Variants in LPP observed in about 807,000 individuals in gnomAD.
LPP encodes lipoma-preferred partner.
In LPP, 38 loss-of-function variants were observed where a neutral mutation model predicts 60.4. The observed-to-expected ratio is 0.63, with a 90% CI of 0.49 to 0.83. The LOEUF (loss-of-function observed/expected upper bound fraction) is 0.83, where lower values mean the gene tolerates loss of function less well. Ranked by LOEUF, LPP falls within the 40% of genes least tolerant of loss-of-function variation. LPP has a pLI of 0.00. For synonymous variants in LPP, 328 were observed against 290.8 expected, an observed-to-expected ratio of 1.13 and a Z score of -1.30; for missense variants, 902 against 783.6, an observed-to-expected ratio of 1.15 and a Z score of -1.80.
intron 2 of LPP, among the ~76,000 whole-genome samples, chr3:188,301,980 G>T (rs376380571): frequency 6.9e-6 from 1 of 144,580 alleles, no homozygotes; most frequent in East Asian, 2.1e-4. Flanking sequence ...TAAAAAAAAA[G>T]AAAAAAAAAA....
intron 2 of LPP, among the ~76,000 whole-genome samples, chr3:188,304,024 C>T (rs1011783270): frequency 6.6e-6 from 1 of 152,146 alleles, no homozygotes; most frequent in African/African-American, 2.4e-5. Context: ...ACTTAACTGC[C>T]TGTCTTCATA....
At chr3:188,415,730 A>ATTGC in intron 4 of LPP, among the ~76,000 whole-genome samples, 1 of 148,810 alleles carries the variant, frequency 6.7e-6, no homozygotes, top group East Asian at 2.0e-4. Flanking sequence ...AGCTCTAGAG[A>ATTGC]TAAAGGACAT....
chr3:188,433,073 C>T lies in LPP; in HGVS notation c.193+26760C>T, dbSNP rs182185165. ...AAGCTATTTAGTGGTTCTCTTAGAG[C>T]CTTATCTCTATCTAGGCTGGAGATT... is the stretch of plus-strand genomic sequence containing the variant. On this transcript the variant is annotated intron_variant, in intron 4 of 11. Coordinates refer to ENST00000617246, the MANE Select transcript of LPP (RefSeq NM_001375462.1). Among the ~76,000 whole-genome samples, 102 of 152,204 alleles carry T rather than the reference C, an allele frequency of 6.7e-4. 1 individual carries two copies. In the Middle Eastern group the frequency reaches 0.034, roughly 51 times the overall value.
In LPP at chr3:188,860,042, T is replaced by C. The variant is rs185277287; in HGVS notation, c.1411-6158T>C. Among the ~76,000 whole-genome samples the C allele has an allele frequency of 3.5e-4, 53 of 152,062 alleles. No homozygotes were observed. The East Asian group carries it at 0.01, about 29-fold the overall frequency. The stretch of plus-strand genomic sequence containing the variant: ...ATACAAATATAGACTTAGATTAAGA[T>C]ATAGACAAAGGACATTAGAAAGACC... On this transcript the variant is annotated intron_variant, in intron 9 of 11. Coordinates refer to ENST00000617246, the MANE Select transcript of LPP (RefSeq NM_001375462.1).
intron 2 of LPP, among the ~76,000 whole-genome samples, chr3:188,301,956 C>T (rs867587423): frequency 1.3e-5 from 2 of 149,732 alleles, no homozygotes; most frequent in Admixed American, 1.3e-4. Flanking sequence ...TGTACCCAGC[C>T]CAATTTACTG....
intron 6 of LPP, among the ~76,000 whole-genome samples, chr3:188,531,316 C>T (rs1356304328): frequency 6.6e-6 from 1 of 152,072 alleles, no homozygotes. Context: ...GATAGGGGTG[C>T]TGGTAGCATC....
At chr3:188,818,451 G>A (rs1753058620) in intron 9 of LPP, among the ~76,000 whole-genome samples, 1 of 152,164 alleles carries the variant, frequency 6.6e-6, no homozygotes, top group South Asian at 2.1e-4. Context: ...ATTACGTAGT[G>A]TCTGTGACTT....
intron 7 of LPP, among the ~76,000 whole-genome samples, chr3:188,692,735 G>A (rs891881483): frequency 1.3e-5 from 2 of 152,212 alleles, no homozygotes; most frequent in African/African-American, 2.4e-5. Flanking sequence ...TTGAATAAAT[G>A]TATTATTTGC....
intron 3 of LPP, among the ~76,000 whole-genome samples, chr3:188,363,359 C>T (rs558581258): frequency 6.6e-6 from 1 of 152,288 alleles, no homozygotes; most frequent in African/African-American, 2.4e-5. Flanking sequence ...AATAACAGTA[C>T]AACTAGATGT....
chr3:188,659,582 A>G (rs1854102770), intron 7 of LPP, among the ~76,000 whole-genome samples: 1 of 152,194 alleles, frequency 6.6e-6, no homozygotes, highest in African/African-American at 2.4e-5. Context: ...GCAGGCAAGC[A>G]GGCAAGTTGG....
At chr3:188,607,161 ACACACT>A (rs1842553637) in intron 6 of LPP, among the ~76,000 whole-genome samples, 1 of 129,180 alleles carries the variant, frequency 7.7e-6, no homozygotes, top group South Asian at 2.6e-4. Flanking sequence ...ACACACACAC[ACACACT>A]ATTTAAACAT....
intron 8 of LPP, among the ~76,000 whole-genome samples, chr3:188,753,501 T>C (rs2150350546): frequency 6.6e-6 from 1 of 152,124 alleles, no homozygotes; most frequent in East Asian, 1.9e-4. Flanking sequence ...TCATCTCATC[T>C]GGTTTGCTGC....
At chr3:188,320,872 C>A (rs923188977) in intron 2 of LPP, among the ~76,000 whole-genome samples, 1 of 152,102 alleles carries the variant, frequency 6.6e-6, no homozygotes, top group African/African-American at 2.4e-5. Context: ...TTGTTTCAAG[C>A]CACAAAAAGT....
intron 7 of LPP, among the ~76,000 whole-genome samples, chr3:188,645,896 T>C (rs145501584): frequency 5.1e-4 from 77 of 151,264 alleles, no homozygotes; most frequent in African/African-American, 1.8e-3. Context: ...GGAAAAAAAA[T>C]GTTTATAATC....
At chr3:188,226,273 T>C (rs1717725051) in intron 2 of LPP, among the ~76,000 whole-genome samples, 1 of 152,164 alleles carries the variant, frequency 6.6e-6, no homozygotes, top group Non-Finnish European at 1.5e-5. Flanking sequence ...CCTCCCAAAT[T>C]GCTGGGATTA....
chr3:188,757,893 T>G (rs1730857691), intron 8 of LPP, among the ~76,000 whole-genome samples: 1 of 146,690 alleles, frequency 6.8e-6, no homozygotes, highest in Admixed American at 6.8e-5. Flanking sequence ...TTTTTGGTTT[T>G]TTTTTTTTTT....
intron 1 of LPP, among the ~76,000 whole-genome samples, chr3:188,198,575 C>T (rs547608505): frequency 1.3e-5 from 2 of 152,342 alleles, no homozygotes; most frequent in Non-Finnish European, 2.9e-5. Context: ...CTTCAATAGT[C>T]AGGCATTGGC....
chr3:188,339,659 C>G (rs938632192), intron 2 of LPP, among the ~76,000 whole-genome samples: 4 of 152,158 alleles, frequency 2.6e-5, no homozygotes, highest in African/African-American at 4.8e-5. Context: ...ATCATGAGAA[C>G]AGCATGGGGG....
intron 5 of LPP, among the ~76,000 whole-genome samples, chr3:188,498,590 C>T (rs2149836891): frequency 1.3e-5 from 2 of 152,226 alleles, no homozygotes; most frequent in South Asian, 4.1e-4. Context: ...CCCCATTTTA[C>T]CTACTGTGGG....
Sources: allele counts gnomAD v4.1 joint callset (sites outside exome capture counted in the v4.1 genomes callset), GRCh38; gene constraint gnomAD v4.1.1; transcripts MANE v1.5; gene names NCBI Gene and HGNC (gene_info 2026-07-23, HGNC 2026-07-21).